Variants in SCFD2 observed in about 807,000 individuals in gnomAD.
SCFD2 encodes sec1 family domain containing 2, also known as sec1 family domain-containing protein 2.
A neutral mutation model predicts 58.9 loss-of-function variants in SCFD2; 54 were observed. The ratio of observed to expected loss-of-function variants is 0.92; its 90% confidence interval spans 0.74 to 1.15. SCFD2 has a LOEUF of 1.15. Among genes scored for constraint, SCFD2 ranks in the 50% most tolerant of loss-of-function variants. The pLI is 0.00. For missense variants in SCFD2, 805 were observed against 836.6 expected (o/e 0.96, Z 0.47); for synonymous variants, 321 against 335.9 (o/e 0.96, Z 0.49).
chr4:53,024,028 C>G (rs1722410643), intron 5 of SCFD2, among the ~76,000 whole-genome samples: 1 of 152,150 alleles, frequency 6.6e-6, no homozygotes, highest in African/African-American at 2.4e-5. Context: ...TGGCTTGGAA[C>G]ACAAACTCCA....
At chr4:53,332,507 T>C (rs578108957) in intron 2 of SCFD2, among the ~76,000 whole-genome samples, 1 of 152,334 alleles carries the variant, frequency 6.6e-6, no homozygotes, top group East Asian at 1.9e-4. Flanking sequence ...CACATGATTA[T>C]CTCAATAGAT....
intron 7 of SCFD2, among the ~76,000 whole-genome samples, chr4:52,886,251 C>T (rs1394023743): frequency 6.6e-6 from 1 of 152,134 alleles, no homozygotes; most frequent in Non-Finnish European, 1.5e-5. Flanking sequence ...AACCAATCAG[C>T]ATGCACTCCC....
rs576016906 is a variant in SCFD2, at chr4:53,237,937, G to A, written c.1311+35889C>T. ...CCCCCACCTCCCTTCCGGACGGGGCGGCTGGCCGGGCGAGGGGCTGACCCC... is the reference window on the plus strand; with the variant it reads ...CCCCCACCTCCCTTCCGGACGGGGCAGCTGGCCGGGCGAGGGGCTGACCCC... On this transcript the variant is annotated intron_variant, in intron 4 of 8. Transcript: ENST00000401642. Among the ~76,000 whole-genome samples the A allele has an allele frequency of 4.4e-3, 548 of 124,462 alleles. 2 individuals carry two copies. The highest frequency in any genetic ancestry group is 0.016 in the African/African-American group (522 of 32,106). The allele number at this position is 124,462 out of a possible 152,430, so 81.7% of individuals were successfully genotyped here. A position where few individuals can be genotyped will look rare whatever the true frequency, so the allele number is the denominator to read the frequency against.
chr4:53,077,730 G>A (rs1034782381), intron 5 of SCFD2, among the ~76,000 whole-genome samples: 7 of 152,052 alleles, frequency 4.6e-5, no homozygotes, highest in Non-Finnish European at 8.8e-5. Context: ...GAGCCACGGC[G>A]GCTGGCCTCA....
chr4:52,925,453 G>A (rs1239507417), intron 5 of SCFD2, among the ~76,000 whole-genome samples: 1 of 151,308 alleles, frequency 6.6e-6, no homozygotes, highest in Non-Finnish European at 1.5e-5. Context: ...TTTCTTTTTG[G>A]GAAGACCTGG....
At chr4:52,973,303 T>C (rs1307759316) in intron 5 of SCFD2, among the ~76,000 whole-genome samples, 1 of 151,114 alleles carries the variant, frequency 6.6e-6, no homozygotes, top group Non-Finnish European at 1.5e-5. Flanking sequence ...GAGAGAAGAA[T>C]CAAATAGACA....
intron 5 of SCFD2, among the ~76,000 whole-genome samples, chr4:53,008,654 A>C (rs756447656): frequency 2.6e-5 from 4 of 152,194 alleles, no homozygotes; most frequent in Non-Finnish European, 5.9e-5. Flanking sequence ...TGCATGTATA[A>C]AACGCTCTTC....
At chr4:52,955,209 A>T (rs1720684222) in intron 5 of SCFD2, among the ~76,000 whole-genome samples, 1 of 152,172 alleles carries the variant, frequency 6.6e-6, no homozygotes, top group Non-Finnish European at 1.5e-5. Context: ...AGGAGAGCTT[A>T]GGGCAGTGGG....
intron 4 of SCFD2, among the ~76,000 whole-genome samples, chr4:53,248,645 AC>A (rs1185839766): frequency 1.3e-5 from 2 of 151,842 alleles, no homozygotes; most frequent in Non-Finnish European, 2.9e-5. Context: ...AGTGGGAGAC[AC>A]CCCCCAGTAG....
chr4:53,026,325 A>G (rs1424505881), intron 5 of SCFD2, among the ~76,000 whole-genome samples: 3 of 152,296 alleles, frequency 2.0e-5, no homozygotes, highest in South Asian at 4.1e-4. Flanking sequence ...GGCATAACTT[A>G]ATTAAGTTCC....
intron 7 of SCFD2, among the ~76,000 whole-genome samples, chr4:52,893,658 C>T (rs1458528398): frequency 6.6e-6 from 1 of 152,240 alleles, no homozygotes; most frequent in African/African-American, 2.4e-5. Flanking sequence ...GAATGGCCCC[C>T]TGACCCAGGG....
chr4:53,187,970 T>G (rs2148955001), intron 4 of SCFD2, among the ~76,000 whole-genome samples: 1 of 152,314 alleles, frequency 6.6e-6, no homozygotes, highest in Middle Eastern at 3.4e-3. Flanking sequence ...GTGGCTGCAC[T>G]GTGCTCCTTA....
At chr4:53,049,097 T>G (rs1420625365) in intron 5 of SCFD2, among the ~76,000 whole-genome samples, 1 of 152,218 alleles carries the variant, frequency 6.6e-6, no homozygotes, top group Non-Finnish European at 1.5e-5. Flanking sequence ...CGTACCTTCT[T>G]TCAACCCAGT....
At chr4:53,001,398 G>A (rs1374987127) in intron 5 of SCFD2, among the ~76,000 whole-genome samples, 3 of 152,080 alleles carry the variant, frequency 2.0e-5, no homozygotes, top group Non-Finnish European at 4.4e-5. Flanking sequence ...TTACCGAACT[G>A]TTTTTCCAGT....
intron 5 of SCFD2, among the ~76,000 whole-genome samples, chr4:53,002,330 G>A (rs1721880990): frequency 6.6e-6 from 1 of 152,186 alleles, no homozygotes; most frequent in Non-Finnish European, 1.5e-5. Flanking sequence ...AGAGAAGGCA[G>A]ATTTGCTTGA....
chr4:53,019,262 T>C (rs1722289560), intron 5 of SCFD2, among the ~76,000 whole-genome samples: 1 of 152,138 alleles, frequency 6.6e-6, no homozygotes, highest in Admixed American at 6.5e-5. Context: ...AATCTTATAA[T>C]ACAACATTAA....
At chr4:53,207,303 AT>A (rs1728436138) in intron 4 of SCFD2, among the ~76,000 whole-genome samples, 1 of 144,216 alleles carries the variant, frequency 6.9e-6, no homozygotes, top group African/African-American at 2.6e-5. Flanking sequence ...AATGTAATAC[AT>A]TTTTGCTAAA....
At chr4:53,229,498 C>T (rs1729356345) in intron 4 of SCFD2, among the ~76,000 whole-genome samples, 1 of 152,120 alleles carries the variant, frequency 6.6e-6, no homozygotes, top group South Asian at 2.1e-4. Flanking sequence ...TTTGACAAAC[C>T]TGACAAAAAC....
At chr4:53,325,724 G>C (rs1264874135) in intron 2 of SCFD2, among the ~76,000 whole-genome samples, 1 of 152,140 alleles carries the variant, frequency 6.6e-6, no homozygotes, top group Non-Finnish European at 1.5e-5. Context: ...AAGCATATAT[G>C]GTAGGCATTA....
Sources: allele counts gnomAD v4.1 joint callset (sites outside exome capture counted in the v4.1 genomes callset), GRCh38; gene constraint gnomAD v4.1.1; transcripts MANE v1.5; gene names NCBI Gene and HGNC (gene_info 2026-07-23, HGNC 2026-07-21).